NCOA1: variants seen among roughly 807,000 people sequenced by gnomAD.
The protein encoded by NCOA1 is Hin-2 protein.
In NCOA1, 35 loss-of-function variants were observed where a neutral mutation model predicts 150.9. That is an observed-to-expected ratio of 0.23 (90% CI 0.18 to 0.31). The LOEUF is 0.31. NCOA1 is among the 10% of genes least tolerant of loss of function. The pLI, the probability that NCOA1 is intolerant of heterozygous loss-of-function variation, is 1.00. For missense variants in NCOA1, 1,491 were observed against 1,749.3 expected (o/e 0.85, Z 2.63); for synonymous variants, 590 against 630.0 (o/e 0.94, Z 0.95).
At chr2:24,497,582 G>T (rs1215819469) in intron 1 of NCOA1, among the ~76,000 whole-genome samples, 1 of 152,034 alleles carries the variant, frequency 6.6e-6, no homozygotes, top group African/African-American at 2.4e-5. Flanking sequence ...TGAGGCAGAA[G>T]AATTGCTTGA....
At chr2:24,607,940 A>G (rs948038161) in intron 3 of NCOA1, among the ~76,000 whole-genome samples, 1 of 152,116 alleles carries the variant, frequency 6.6e-6, no homozygotes, top group African/African-American at 2.4e-5. Context: ...CTGTAATACC[A>G]TACAATACAC....
intron 1 of NCOA1, among the ~76,000 whole-genome samples, chr2:24,554,960 G>A (rs1474588381): frequency 1.3e-5 from 2 of 152,090 alleles, no homozygotes; most frequent in South Asian, 2.1e-4. Flanking sequence ...AAGCGTCTAC[G>A]TTGTCTGGGG....
intron 3 of NCOA1, among the ~76,000 whole-genome samples, chr2:24,585,310 G>C (rs1385016800): frequency 1.3e-5 from 2 of 152,000 alleles, no homozygotes; most frequent in African/African-American, 4.8e-5. Context: ...AAGAATATTT[G>C]TCATGTTTTG....
intron 17 of NCOA1, among the ~76,000 whole-genome samples, chr2:24,731,967 T>G (rs913594567): frequency 2.6e-5 from 4 of 152,222 alleles, no homozygotes; most frequent in Non-Finnish European, 5.9e-5. Flanking sequence ...AGTATGTGAT[T>G]AAGGGCTAAA....
rs181329669 is a variant in NCOA1 at position 24,654,603 on chromosome 2, G to A, written c.-17-4058G>A. On this transcript the variant is annotated intron_variant, in intron 4 of 22. Coordinates refer to ENST00000348332, the MANE Select transcript of NCOA1 (RefSeq NM_003743.5). The stretch of plus-strand genomic sequence containing the variant: ...AAGATTGTACTTACTCTTCACAGAG[G>A]AAGTCTTAGAATAAAAGTCAAATCC... Among the ~76,000 whole-genome samples, 162 of 152,240 alleles carry A rather than the reference G, an allele frequency of 1.1e-3. 1 individual carries two copies. Among genetic ancestry groups the A allele is most frequent in the South Asian group, 1.7e-3 (8 of 4,818 alleles).
chr2:24,734,898 T>G (rs903042805), intron 17 of NCOA1, among the ~76,000 whole-genome samples: 2 of 152,082 alleles, frequency 1.3e-5, no homozygotes, highest in African/African-American at 4.8e-5. Flanking sequence ...GCATAATAGC[T>G]CTACATAATA....
intron 4 of NCOA1, among the ~76,000 whole-genome samples, chr2:24,657,962 G>T (rs1200135149): frequency 1.3e-5 from 2 of 152,184 alleles, no homozygotes; most frequent in Admixed American, 6.5e-5. Flanking sequence ...GGACAGATCA[G>T]CAGGGATCTT....
chr2:24,620,852 T>A (rs866140633), intron 3 of NCOA1, among the ~76,000 whole-genome samples: 2 of 152,190 alleles, frequency 1.3e-5, no homozygotes, highest in African/African-American at 4.8e-5. Context: ...TAATTTGATT[T>A]ATAAAAATTT....
chr2:24,520,697 G>A (rs1201234293), intron 1 of NCOA1, among the ~76,000 whole-genome samples: 2 of 152,186 alleles, frequency 1.3e-5, no homozygotes, highest in Non-Finnish European at 2.9e-5. Context: ...TTTTATTGGT[G>A]TATACATGTG....
At chr2:24,510,046 G>A (rs143165964) in intron 1 of NCOA1, among the ~76,000 whole-genome samples, 1 of 152,308 alleles carries the variant, frequency 6.6e-6, no homozygotes, top group Non-Finnish European at 1.5e-5. Context: ...GGGGCAGAGT[G>A]TAGGACTGTG....
chr2:24,593,491 T>A (rs1216461317), intron 3 of NCOA1, among the ~76,000 whole-genome samples: 1 of 152,104 alleles, frequency 6.6e-6, no homozygotes, highest in African/African-American at 2.4e-5. Flanking sequence ...ATGTAAACAT[T>A]GAATGTTTAT....
At position 24,726,663 on chromosome 2, in the gene NCOA1, A is replaced by G. The variant is rs1674639649; in HGVS notation, c.2674A>G (p.Thr892Ala). 1 of 1,611,234 alleles carries G rather than the reference A, an allele frequency of 6.2e-7. No individual in the cohort carries two copies. Among genetic ancestry groups the G allele is most frequent in the Non-Finnish European group, 8.5e-7 (1 of 1,178,700 alleles). Reference protein sequence around the residue: ...QPGTGDQIPWTNNTVTAINQS... With the variant: ...QPGTGDQIPWANNTVTAINQS... ...AGGAACAGGCGATCAGATTCCATGG[A>G]CAAATAATACAGTGACAGCTATAAA... The change falls in exon 15 of 23, where the codon ACA becomes GCA. Residue 892 changes from threonine (T) to alanine (A), a missense_variant. Around this residue, in one of 8 missense-constraint regions of NCOA1, gnomAD observed 703 missense variants for 717.7 expected, o/e 0.98. Coordinates refer to ENST00000348332, the MANE Select transcript of NCOA1 (RefSeq NM_003743.5).
chr2:24,548,292 A>G (rs2148213859), intron 1 of NCOA1, among the ~76,000 whole-genome samples: 1 of 152,318 alleles, frequency 6.6e-6, no homozygotes, highest in Non-Finnish European at 1.5e-5. Flanking sequence ...TCCCCCTTAC[A>G]AAAGCATCAG....
At chr2:24,630,814 A>T (rs1299588653) in intron 3 of NCOA1, among the ~76,000 whole-genome samples, 2 of 142,572 alleles carry the variant, frequency 1.4e-5, no homozygotes, top group Admixed American at 1.4e-4. Flanking sequence ...AGTGAAAGAT[A>T]AAAAAACAAG....
intron 1 of NCOA1, among the ~76,000 whole-genome samples, chr2:24,508,837 CA>C (rs1205382863): frequency 6.6e-6 from 1 of 152,146 alleles, no homozygotes; most frequent in Non-Finnish European, 1.5e-5. Flanking sequence ...GTGAGACACA[CA>C]AAATCTCTGG....
At chr2:24,569,672 C>G (rs1409611610) in intron 2 of NCOA1, among the ~76,000 whole-genome samples, 2 of 141,046 alleles carry the variant, frequency 1.4e-5, no homozygotes, top group African/African-American at 5.2e-5. Flanking sequence ...GAGTTCAAGA[C>G]CAACCTGGCC....
At chr2:24,621,432 ATTTTTTTT>A (rs1162282258) in intron 3 of NCOA1, among the ~76,000 whole-genome samples, 187 of 38,812 alleles carry the variant, frequency 4.8e-3, no homozygotes, top group East Asian at 0.025. Context: ...ATTCAGGCAG[ATTTTTTTT>A]TTTTTTTTTT....
At chr2:24,638,526 A>G (rs1416341661) in intron 3 of NCOA1, among the ~76,000 whole-genome samples, 2 of 152,148 alleles carry the variant, frequency 1.3e-5, no homozygotes, top group African/African-American at 4.8e-5. Context: ...ATTATATGGT[A>G]GTTGTATTTG....
chr2:24,701,234 G>A (rs749043657), intron 11 of NCOA1, among the ~76,000 whole-genome samples: 2 of 152,098 alleles, frequency 1.3e-5, no homozygotes, highest in Non-Finnish European at 2.9e-5. Flanking sequence ...GCTGGGCACA[G>A]TAGCTCATGC....
Sources: gnomAD v4.1 joint callset for allele counts (sites outside exome capture counted in the v4.1 genomes callset) on GRCh38, gnomAD v4.1.1 for gene constraint, gnomAD v4.1.1 regional missense constraint, MANE v1.5 for transcripts, NCBI Gene and HGNC (gene_info 2026-07-23, HGNC 2026-07-21) for gene names.